Variants in SIPA1L1 observed in about 807,000 individuals in gnomAD.
The protein encoded by SIPA1L1 is signal-induced proliferation-associated 1-like protein 1.
SIPA1L1 carries 26 observed loss-of-function variants against 162.7 expected under a neutral mutation model. The observed-to-expected ratio is 0.16, with a 90% CI of 0.12 to 0.22. SIPA1L1 has a LOEUF of 0.22. Ranked by LOEUF, SIPA1L1 falls within the 10% of genes least tolerant of loss-of-function variation. The pLI, the probability that SIPA1L1 is intolerant of heterozygous loss-of-function variation, is 1.00. For missense variants in SIPA1L1, 1,874 were observed against 2,241.0 expected, an observed-to-expected ratio of 0.84 and a Z score of 3.31; for synonymous variants, 829 against 837.4, an observed-to-expected ratio of 0.99 and a Z score of 0.17.
At chr14:71,650,629 G>A in intron 8 of SIPA1L1, 120 bp downstream of exon 8, 1 of 913,098 alleles carries the variant, frequency 1.1e-6, no homozygotes, top group South Asian at 1.6e-5. Flanking sequence ...TGGTGATGGG[G>A]GAGAGAAAGC....
In SIPA1L1 at chr14:71,415,641, C is replaced by T. The variant is rs181551495; in HGVS notation, c.-465+94460C>T. Among the ~76,000 whole-genome samples the T allele has an allele frequency of 1.9e-4, 29 of 152,024 alleles. No individual in the cohort carries two copies. The East Asian group carries it at 4.1e-3, about 21-fold the overall frequency. On this transcript the variant is annotated intron_variant, in intron 2 of 23. Transcript: ENST00000381232. ...TTCTAGATATACTTTTTTTTTCCCT[C>T]CAGAATAGCTATATGTTATTGAAAT...
intron 2 of SIPA1L1, among the ~76,000 whole-genome samples, chr14:71,502,071 G>A (rs1383204647): frequency 7.0e-6 from 1 of 142,600 alleles, no homozygotes; most frequent in Non-Finnish European, 1.5e-5. Flanking sequence ...ATTGAACATA[G>A]CTTTTTTTTT....
At chr14:71,488,047 G>C (rs919753470) in intron 2 of SIPA1L1, among the ~76,000 whole-genome samples, 4 of 152,134 alleles carry the variant, frequency 2.6e-5, no homozygotes, top group African/African-American at 9.7e-5. Flanking sequence ...CACTTCTCAT[G>C]GTCGATACTT....
Position 71,658,371 on chromosome 14 carries a change from A to G in SIPA1L1, c.2032A>G (p.Lys678Glu), listed in dbSNP as rs922131602. The change falls in exon 9 of 24, where the codon AAA becomes GAA. Residue 678 changes from lysine (K) to glutamate (E), a missense_variant. Physicochemically the swap from Lys to Glu is moderately conservative, Grantham distance 56. Transcript: ENST00000381232. ...TGTHSLYTTY[K>E]DYEIMFHVST... ...AACCCATTCTCTGTACACAACATAC[A>G]AAGATTATGAAATTATGTTCCATGT... 2 of 1,612,384 alleles carry G rather than the reference A, an allele frequency of 1.2e-6. No homozygotes were observed.
intron 14 of SIPA1L1, among the ~76,000 whole-genome samples, chr14:71,699,963 A>G (rs2081960637): frequency 6.6e-6 from 1 of 152,246 alleles, no homozygotes; most frequent in Non-Finnish European, 1.5e-5. Context: ...CTCTGAACAA[A>G]GAACAATTAA....
At chr14:71,367,710 G>A (rs1242012815) in intron 2 of SIPA1L1, among the ~76,000 whole-genome samples, 5 of 145,414 alleles carry the variant, frequency 3.4e-5, no homozygotes, top group African/African-American at 1.0e-4. Context: ...GGGTTCAAGC[G>A]ATTCTCCTGC....
intron 20 of SIPA1L1, among the ~76,000 whole-genome samples, chr14:71,732,290 CTT>C (rs1306662815): frequency 1.3e-5 from 2 of 152,188 alleles, no homozygotes; most frequent in Non-Finnish European, 2.9e-5. Flanking sequence ...TCTGGAGTCA[CTT>C]AAATATTCTA....
chr14:71,491,387 C>T (rs1218927996), intron 2 of SIPA1L1, among the ~76,000 whole-genome samples: 1 of 152,124 alleles, frequency 6.6e-6, no homozygotes, highest in Non-Finnish European at 1.5e-5. Flanking sequence ...GACAGTATAT[C>T]TCCAAACTGA....
At chr14:71,670,198 C>CT (rs751185869) in intron 10 of SIPA1L1, among the ~76,000 whole-genome samples, 44 of 152,206 alleles carry the variant, frequency 2.9e-4, no homozygotes, top group Non-Finnish European at 5.0e-4. Context: ...CTCAACCTCT[C>CT]TATTTCTATA....
At chr14:71,493,644 C>T (rs964032631) in intron 2 of SIPA1L1, among the ~76,000 whole-genome samples, 1 of 152,088 alleles carries the variant, frequency 6.6e-6, no homozygotes, top group African/African-American at 2.4e-5. Flanking sequence ...AGGCTGGAAA[C>T]TTGGATTATT....
intron 5 of SIPA1L1, among the ~76,000 whole-genome samples, chr14:71,613,479 G>C (rs2038458007): frequency 6.6e-6 from 1 of 151,896 alleles, no homozygotes; most frequent in African/African-American, 2.4e-5. Context: ...TGGCATCCCG[G>C]TATGCTGGCT....
intron 2 of SIPA1L1, among the ~76,000 whole-genome samples, chr14:71,469,094 C>T (rs1284237095): frequency 6.6e-6 from 1 of 152,066 alleles, no homozygotes; most frequent in Non-Finnish European, 1.5e-5. Flanking sequence ...TCTTCTTAAC[C>T]TCAACCTCTC....
chr14:71,558,401 G>C (rs538052103), intron 4 of SIPA1L1, among the ~76,000 whole-genome samples: 176 of 152,260 alleles, frequency 1.2e-3, no homozygotes, highest in African/African-American at 4.0e-3. Context: ...CATCAAGAGT[G>C]ATAGGTTTTT....
chr14:71,349,995 G>T (rs1443412225), intron 2 of SIPA1L1, among the ~76,000 whole-genome samples: 1 of 152,122 alleles, frequency 6.6e-6, no homozygotes, highest in Admixed American at 6.5e-5. Flanking sequence ...AGAGACTAAG[G>T]GAAAATAGAG....
chr14:71,687,813 A>G (rs1028900821), intron 13 of SIPA1L1, among the ~76,000 whole-genome samples: 6 of 152,162 alleles, frequency 3.9e-5, no homozygotes, highest in African/African-American at 1.4e-4. Context: ...CTAGAAGACC[A>G]TTAGAGTAGC....
chr14:71,540,612 G>A (rs1199161030), intron 4 of SIPA1L1, among the ~76,000 whole-genome samples: 1 of 152,228 alleles, frequency 6.6e-6, no homozygotes, highest in African/African-American at 2.4e-5. Flanking sequence ...TGTCTTGGAA[G>A]TGATGTCTTT....
chr14:71,337,226 C>G (rs1351934690), intron 2 of SIPA1L1, among the ~76,000 whole-genome samples: 1 of 152,188 alleles, frequency 6.6e-6, no homozygotes, highest in South Asian at 2.1e-4. Flanking sequence ...GCTCTGTCCT[C>G]TTCCGTCCTA....
At chr14:71,349,032 C>T (rs191199149) in intron 2 of SIPA1L1, among the ~76,000 whole-genome samples, 1 of 152,292 alleles carries the variant, frequency 6.6e-6, no homozygotes, top group East Asian at 1.9e-4. Flanking sequence ...GTCAGTACTA[C>T]TGTTAGCAAA....
chr14:71,371,298 T>C (rs1257869028), intron 2 of SIPA1L1, among the ~76,000 whole-genome samples: 2 of 152,208 alleles, frequency 1.3e-5, no homozygotes, highest in Admixed American at 1.3e-4. Context: ...ACAATATTTC[T>C]GTAATGGATT....
Sources: gnomAD v4.1 joint callset for allele counts (sites outside exome capture counted in the v4.1 genomes callset) on GRCh38, gnomAD v4.1.1 for gene constraint, MANE v1.5 for transcripts, NCBI Gene and HGNC (gene_info 2026-07-23, HGNC 2026-07-21) for gene names.